The following AFG1L variants were observed in gnomAD, a reference collection of about 807,000 sequenced individuals.
AFG1L encodes the protein AFG1-like ATPase.
Under a neutral mutation model 62.2 loss-of-function variants are expected in AFG1L, and 53 were observed. The ratio of observed to expected loss-of-function variants is 0.85; its 90% CI spans 0.68 to 1.07. The LOEUF (loss-of-function observed/expected upper bound fraction) is 1.07, where lower values mean the gene tolerates loss of function less well. AFG1L is among the 50% of genes least tolerant of loss of function. AFG1L has a pLI of 0.00. For missense variants in AFG1L, 555 were observed against 590.5 expected, an observed-to-expected ratio of 0.94 and a Z score of 0.62; for synonymous variants, 228 against 210.3, an observed-to-expected ratio of 1.08 and a Z score of -0.73.
chr6:108,449,822 A>C (rs1049450792), intron 8 of AFG1L, among the ~76,000 whole-genome samples: 1 of 152,010 alleles, frequency 6.6e-6, no homozygotes, highest in African/African-American at 2.4e-5. Flanking sequence ...TCATTGTTCA[A>C]TTCCCACCTA....
chr6:108,491,741 G>A (rs1582659816), intron 10 of AFG1L, among the ~76,000 whole-genome samples: 1 of 152,258 alleles, frequency 6.6e-6, no homozygotes, highest in Middle Eastern at 3.4e-3. Context: ...CTTTATTCCA[G>A]CAGCACGGGG....
chr6:108,476,780 C>A (rs1165991518), intron 8 of AFG1L, 85 bp from the exon 9 acceptor site: 1 of 916,190 alleles, frequency 1.1e-6, no homozygotes, highest in South Asian at 1.4e-5. Context: ...TTTTTATGGG[C>A]AAAAAGCTAA....
intron 7 of AFG1L, among the ~76,000 whole-genome samples, chr6:108,445,887 A>T (rs1421399838): frequency 6.6e-6 from 1 of 152,170 alleles, no homozygotes; most frequent in African/African-American, 2.4e-5. Context: ...CCAAAATGTG[A>T]TACAGAGACA....
At chr6:108,316,359 C>T (rs1189649654) in intron 1 of AFG1L, among the ~76,000 whole-genome samples, 1 of 91,010 alleles carries the variant, frequency 1.1e-5, no homozygotes, top group Non-Finnish European at 1.9e-5. Flanking sequence ...CCAGCCTGGG[C>T]GACAGAGCGA....
chr6:108,387,990 T>C (rs1037988712), intron 6 of AFG1L: 1 of 152,168 alleles, frequency 6.6e-6, no homozygotes, highest in Non-Finnish European at 1.5e-5. Flanking sequence ...ATGAGTTGAA[T>C]AATTCCATCC....
At chr6:108,363,261 G>GT (rs1273993182) in intron 5 of AFG1L, among the ~76,000 whole-genome samples, 1 of 151,974 alleles carries the variant, frequency 6.6e-6, no homozygotes, top group Non-Finnish European at 1.5e-5. Context: ...GTGTGTGCAG[G>GT]TTTGTTATAT....
chr6:108,366,422 TTAA>T, intron 6 of AFG1L, 90 bp downstream of exon 6: 1 of 679,402 alleles, frequency 1.5e-6, no homozygotes, highest in East Asian at 2.8e-5. Flanking sequence ...ATGTATTGTG[TTAA>T]TAAATCTGAT....
chr6:108,403,907 C>A (rs1781738708), intron 7 of AFG1L, among the ~76,000 whole-genome samples: 1 of 151,292 alleles, frequency 6.6e-6, no homozygotes, highest in Admixed American at 6.6e-5. Context: ...TGAAAGTGAA[C>A]ATGAACTGAG....
At position 108,477,235 on chromosome 6, in the gene AFG1L, C is replaced by G. The variant is rs761679591; in HGVS notation, c.1005C>G (p.Arg335=). The G allele has an allele frequency of 1.2e-6, 2 of 1,609,624 alleles. No individual in the cohort carries two copies. The highest frequency in any genetic ancestry group is 1.7e-6 in the Non-Finnish European group (2 of 1,177,030). The change falls in exon 10 of 13, where the codon CGC becomes CGG. Residue 335 remains arginine, a synonymous_variant. Transcript: ENST00000368977. ...TAAAAGTGCAAGGCAGAGAGCTGCG[C>G]CTGAATAAAGCCTGTGGAACCGTTG... The part of the protein sequence containing the change: ...RILKVQGREL[R]LNKACGTVAD...
intron 6 of AFG1L, among the ~76,000 whole-genome samples, chr6:108,376,312 T>G (rs1347065348): frequency 6.6e-6 from 1 of 152,146 alleles, no homozygotes; most frequent in Non-Finnish European, 1.5e-5. Flanking sequence ...TCAATTTTGT[T>G]CAGTTGTGCT....
At chr6:108,326,386 C>A (rs73513966) in intron 2 of AFG1L, among the ~76,000 whole-genome samples, 19,532 of 152,082 alleles carry the variant, frequency 0.13, 2,784 homozygotes, top group African/African-American at 0.35. Context: ...CTTTCTTTAG[C>A]GTGAGTGGGA....
Position 108,336,632 on chromosome 6 carries a change from A to G in AFG1L, c.364-10356A>G, listed in dbSNP as rs182133575. 2.6e-4 allele frequency among the ~76,000 whole-genome samples: 40 copies of G among 152,360 alleles called. No individual in the cohort carries two copies. The South Asian group carries it at 2.7e-3, about 10-fold the overall frequency. On this transcript the variant is annotated intron_variant, in intron 2 of 12. Coordinates refer to ENST00000368977, the MANE Select transcript of AFG1L (RefSeq NM_145315.5). The stretch of plus-strand genomic sequence containing the variant: ...ACAGTTTTGAAAGCAAATGTCTACA[A>G]TACAAATATGCAGATATTTTTGAAT...
chr6:108,521,552 A>G (rs1242208163), intron 12 of AFG1L: 1 of 152,242 alleles, frequency 6.6e-6, no homozygotes, highest in African/African-American at 2.4e-5. Context: ...CCAATCATGC[A>G]TGAAGAAATC....
In AFG1L at chr6:108,524,818, G is replaced by C. The variant is rs1387764214; in HGVS notation, c.*2393G>C. On this transcript the variant is annotated 3_prime_UTR_variant, in exon 13 of 13. Transcript: ENST00000368977. Reference sequence around the variant, plus strand: ...TCTCCAAAGCTGGTTTCATAAAATAGCATGCAAGAAAAAAACCCAAGTCTT... The same window carrying C: ...TCTCCAAAGCTGGTTTCATAAAATACCATGCAAGAAAAAAACCCAAGTCTT... 1 of 152,112 alleles carries C rather than the reference G, an allele frequency of 6.6e-6. No individual in the cohort carries two copies. The highest frequency in any genetic ancestry group is 1.5e-5 in the Non-Finnish European group (1 of 68,034). 9.4% of individuals were successfully genotyped at this position (152,112 alleles called of 1,614,324 possible).
intron 10 of AFG1L, among the ~76,000 whole-genome samples, chr6:108,509,235 C>G (rs527352699): frequency 6.6e-6 from 1 of 152,266 alleles, no homozygotes; most frequent in Admixed American, 6.5e-5. Context: ...GTAGGTGGCA[C>G]TTTTGTGAAT....
chr6:108,304,728 A>G (rs1434377022), intron 1 of AFG1L, among the ~76,000 whole-genome samples: 1 of 152,156 alleles, frequency 6.6e-6, no homozygotes, highest in African/African-American at 2.4e-5. Context: ...TTTTGATTTC[A>G]TTTAACTAAG....
intron 6 of AFG1L, among the ~76,000 whole-genome samples, chr6:108,367,958 A>C (rs1779828444): frequency 6.6e-6 from 1 of 152,118 alleles, no homozygotes. Flanking sequence ...CTTTTTTTTT[A>C]AAGTAAGCTA....
chr6:108,339,971 T>C (rs1210328700), intron 2 of AFG1L, among the ~76,000 whole-genome samples: 2 of 152,168 alleles, frequency 1.3e-5, no homozygotes, highest in Non-Finnish European at 2.9e-5. Flanking sequence ...TCTGTTGTGC[T>C]ATCAAATAGT....
chr6:108,395,403 C>CTTTTTTTTTTTT (rs71551344), intron 6 of AFG1L, among the ~76,000 whole-genome samples: 25 of 122,936 alleles, frequency 2.0e-4, no homozygotes, highest in African/African-American at 3.1e-4. Context: ...CTTTTCTTTT[C>CTTTTTTTTTTTT]TTTTTTTTTT....
Sources: allele counts gnomAD v4.1 joint callset (sites outside exome capture counted in the v4.1 genomes callset), GRCh38; gene constraint gnomAD v4.1.1; transcripts MANE v1.5; gene names NCBI Gene and HGNC (gene_info 2026-07-23, HGNC 2026-07-21).